AK5: variants seen among roughly 807,000 people sequenced by gnomAD.
AK5 encodes the protein adenylate kinase 5.
In AK5, 27 loss-of-function variants were observed where a neutral mutation model predicts 69.5. The ratio of observed to expected loss-of-function variants is 0.39; its 90% CI spans 0.29 to 0.54. The LOEUF is 0.54. Ranked by LOEUF, AK5 falls within the 20% of genes least tolerant of loss-of-function variation. AK5 has a pLI of 0.71. For missense variants in AK5, 531 were observed against 700.4 expected (o/e 0.76, Z 2.73); for synonymous variants, 260 against 244.4 (o/e 1.06, Z -0.60).
At chr1:77,487,314 G>A (rs1173772884) in intron 10 of AK5, among the ~76,000 whole-genome samples, 1 of 152,136 alleles carries the variant, frequency 6.6e-6, no homozygotes, top group African/African-American at 2.4e-5. Flanking sequence ...GAGTGTGTGA[G>A]GGCCAGATTT....
At chr1:77,429,181 A>T (rs1057419637) in intron 8 of AK5, among the ~76,000 whole-genome samples, 8 of 152,164 alleles carry the variant, frequency 5.3e-5, no homozygotes, top group Non-Finnish European at 1.0e-4. Context: ...CGCCACACTG[A>T]CTTCCACAAT....
chr1:77,374,822 A>G (rs549715908), intron 6 of AK5, among the ~76,000 whole-genome samples: 26 of 93,570 alleles, frequency 2.8e-4, no homozygotes, highest in Middle Eastern at 7.6e-3. Context: ...CCTGTCTCAG[A>G]AAAAAAAAAA....
At chr1:77,403,885 G>C (rs1358649484) in intron 6 of AK5, among the ~76,000 whole-genome samples, 5 of 152,160 alleles carry the variant, frequency 3.3e-5, no homozygotes, top group Non-Finnish European at 5.9e-5. Flanking sequence ...AATTACCTTA[G>C]GCAGTATGGC....
At chr1:77,392,492 G>A (rs897516309) in intron 6 of AK5, among the ~76,000 whole-genome samples, 6 of 152,198 alleles carry the variant, frequency 3.9e-5, no homozygotes, top group Non-Finnish European at 5.9e-5. Context: ...TTCTTAAAGT[G>A]AGATAAGTAT....
At position 77,481,817 on chromosome 1, in the gene AK5, GA is replaced by G. The variant is rs1273351325; in HGVS notation, c.1060-1497del. Among the ~76,000 whole-genome samples, 4 of 152,150 alleles carry G rather than the reference GA, an allele frequency of 2.6e-5. No homozygotes were observed. The East Asian group carries it at 7.7e-4, about 29-fold the overall frequency. ...TCTCTCGAAATTTAGCCTGCAGTAT[GA>G]AATGATATTTATGCCAATTTACTCA... On this transcript the variant is annotated intron_variant, in intron 8 of 13. Coordinates refer to ENST00000354567, the MANE Select transcript of AK5 (RefSeq NM_174858.3).
intron 8 of AK5, among the ~76,000 whole-genome samples, chr1:77,439,651 T>C (rs1652180406): frequency 6.6e-6 from 1 of 152,052 alleles, no homozygotes; most frequent in Non-Finnish European, 1.5e-5. Context: ...AACTGTGATA[T>C]TTATCTTTTT....
chr1:77,480,156 G>GTGTGTA lies in AK5; in HGVS notation c.1060-3160_1060-3159insGTGTAT, dbSNP rs1206468520. ...TGTGTGTGTGTGTGTGTGTGTGTGT[G>GTGTGTA]TAAGATGCCAGATTAATTTTGTTTA... On this transcript the variant is annotated intron_variant, in intron 8 of 13. Transcript: ENST00000354567. 5.7e-4 allele frequency among the ~76,000 whole-genome samples: 87 copies of GTGTGTA among 151,528 alleles called. 4 individuals are homozygous for GTGTGTA. Among genetic ancestry groups the GTGTGTA allele is most frequent in the African/African-American group, 2.0e-3 (83 of 41,286 alleles).
intron 12 of AK5, among the ~76,000 whole-genome samples, chr1:77,530,389 T>C (rs1339172733): frequency 2.0e-5 from 3 of 152,238 alleles, no homozygotes; most frequent in African/African-American, 7.2e-5. Flanking sequence ...CAAGGGGACA[T>C]ACCTCAAGGT....
intron 8 of AK5, among the ~76,000 whole-genome samples, chr1:77,431,470 GT>G (rs1651633742): frequency 6.6e-6 from 1 of 152,144 alleles, no homozygotes; most frequent in East Asian, 1.9e-4. Context: ...CAAATATGTG[GT>G]TCAGAAAGGC....
chr1:77,301,599 G>C (rs1659345878), intron 5 of AK5, among the ~76,000 whole-genome samples: 2 of 152,118 alleles, frequency 1.3e-5, no homozygotes, highest in Non-Finnish European at 2.9e-5. Context: ...AAAACAACCA[G>C]AGTCCCATCA....
At chr1:77,440,580 A>G (rs1489686134) in intron 8 of AK5, among the ~76,000 whole-genome samples, 2 of 152,046 alleles carry the variant, frequency 1.3e-5, no homozygotes, top group Non-Finnish European at 2.9e-5. Flanking sequence ...ACCCTTTACA[A>G]CATCTTCTCT....
At chr1:77,523,238 G>T (rs1351969992) in intron 12 of AK5, among the ~76,000 whole-genome samples, 3 of 152,110 alleles carry the variant, frequency 2.0e-5, no homozygotes. Flanking sequence ...ACATGTCTAG[G>T]TCTAGTTGGC....
chr1:77,417,862 T>G, intron 8 of AK5, 147 bp downstream of exon 8: 1 of 537,682 alleles, frequency 1.9e-6, no homozygotes. Flanking sequence ...ATTACAGTAG[T>G]CTACAGTTTT....
chr1:77,523,997 TC>T (rs1658138970), intron 12 of AK5, among the ~76,000 whole-genome samples: 1 of 152,096 alleles, frequency 6.6e-6, no homozygotes, highest in Non-Finnish European at 1.5e-5. Flanking sequence ...TTTCCCCAGC[TC>T]CTGACAACCA....
chr1:77,394,539 A>T (rs909212406), intron 6 of AK5, among the ~76,000 whole-genome samples: 3 of 152,192 alleles, frequency 2.0e-5, no homozygotes, highest in African/African-American at 7.2e-5. Context: ...AGGGTTAAGT[A>T]AAAGTCTCCC....
At chr1:77,440,809 G>T (rs945883944) in intron 8 of AK5, among the ~76,000 whole-genome samples, 20 of 151,886 alleles carry the variant, frequency 1.3e-4, no homozygotes, top group Non-Finnish European at 2.6e-4. Flanking sequence ...GAGTGCAATG[G>T]CATGCAATCT....
At chr1:77,482,449 T>C (rs1444726713) in intron 8 of AK5, among the ~76,000 whole-genome samples, 7 of 152,122 alleles carry the variant, frequency 4.6e-5, no homozygotes, top group African/African-American at 1.7e-4. Context: ...CATGCTTTGG[T>C]TCGGGGATTG....
intron 5 of AK5, among the ~76,000 whole-genome samples, chr1:77,333,261 G>A (rs564651242): frequency 1.3e-5 from 2 of 152,224 alleles, no homozygotes; most frequent in South Asian, 4.1e-4. Flanking sequence ...TTACTTAGCC[G>A]TTTTTGCTGT....
chr1:77,533,766 C>T (rs1292540367), intron 12 of AK5, among the ~76,000 whole-genome samples: 1 of 151,982 alleles, frequency 6.6e-6, no homozygotes, highest in Non-Finnish European at 1.5e-5. Context: ...CTTTCCTGTC[C>T]CCACAAATGG....
Sources: gnomAD v4.1 joint callset for allele counts (sites outside exome capture counted in the v4.1 genomes callset) on GRCh38, gnomAD v4.1.1 for gene constraint, MANE v1.5 for transcripts, NCBI Gene and HGNC (gene_info 2026-07-23, HGNC 2026-07-21) for gene names.